MAN1C1: variants seen among roughly 807,000 people sequenced by gnomAD.
MAN1C1 encodes the protein mannosyl-oligosaccharide 1,2-alpha-mannosidase IC.
In MAN1C1, 49 loss-of-function variants were observed where a neutral mutation model predicts 71.5. The ratio of observed to expected loss-of-function variants is 0.69; its 90% CI spans 0.54 to 0.87. The LOEUF (loss-of-function observed/expected upper bound fraction) is 0.87. Among genes scored for constraint, MAN1C1 ranks in the 40% least tolerant of loss-of-function variants. MAN1C1 has a pLI of 0.00. For synonymous variants in MAN1C1, 352 were observed against 343.7 expected, an observed-to-expected ratio of 1.02 and a Z score of -0.27; for missense variants, 743 against 835.0, an observed-to-expected ratio of 0.89 and a Z score of 1.36.
At chr1:25,701,787 C>T (rs151014418) in intron 2 of MAN1C1, among the ~76,000 whole-genome samples, 7 of 152,336 alleles carry the variant, frequency 4.6e-5, no homozygotes, top group African/African-American at 1.4e-4. Flanking sequence ...TGATTTGGAG[C>T]AGTGGCTCAC....
intron 1 of MAN1C1, among the ~76,000 whole-genome samples, chr1:25,660,308 G>A (rs140323703): frequency 0.05 from 7,535 of 151,858 alleles, 625 homozygotes; most frequent in African/African-American, 0.17. Context: ...GGCTGAAGCA[G>A]GAGAATCACT....
At chr1:25,773,299 A>T (rs2047578428) in intron 8 of MAN1C1, among the ~76,000 whole-genome samples, 1 of 152,168 alleles carries the variant, frequency 6.6e-6, no homozygotes, top group Admixed American at 6.5e-5. Flanking sequence ...GGGCAGTTGG[A>T]TGGATGGATA....
intron 2 of MAN1C1, among the ~76,000 whole-genome samples, chr1:25,728,394 C>T (rs1019043575): frequency 6.6e-6 from 1 of 152,176 alleles, no homozygotes; most frequent in Non-Finnish European, 1.5e-5. Flanking sequence ...GCACTCACAA[C>T]AATCTGTTTG....
In MAN1C1 at chr1:25,617,682, CAACCCTGCCCAGG is replaced by C; in HGVS notation, c.-115_-103del. 1 of 948,306 alleles carries C rather than the reference CAACCCTGCCCAGG, an allele frequency of 1.1e-6. No individual in the cohort carries two copies. The highest frequency in any genetic ancestry group is 1.7e-5 in the African/African-American group (1 of 57,288). 58.7% of individuals were successfully genotyped at this position (948,306 alleles called of 1,614,324 possible). ...GAAGCGGCGAAACTCTCAGGGTTGG[CAACCCTGCCCAGG>C]GACCCCCATCCCGGGCGGCGCTCCG... On this transcript the variant is annotated 5_prime_UTR_variant, in exon 1 of 12. Coordinates refer to ENST00000374332, the MANE Select transcript of MAN1C1 (RefSeq NM_020379.4). The surrounding 1 kb of genome is among the most constrained non-coding windows in gnomAD (Gnocchi z 5.1).
chr1:25,767,151 T>TACACACAC (rs368029140), intron 7 of MAN1C1, among the ~76,000 whole-genome samples: 66 of 146,604 alleles, frequency 4.5e-4, no homozygotes, highest in Admixed American at 2.1e-3. Flanking sequence ...ACCACACTCG[T>TACACACAC]ACACACACAC....
At chr1:25,633,716 A>G (rs980166268) in intron 1 of MAN1C1, among the ~76,000 whole-genome samples, 13 of 152,158 alleles carry the variant, frequency 8.5e-5, no homozygotes, top group Non-Finnish European at 1.8e-4. Context: ...TTTGGTTCGT[A>G]TTCTGCCATT....
At chr1:25,774,658 T>C (rs555385848) in intron 8 of MAN1C1, among the ~76,000 whole-genome samples, 38 of 152,326 alleles carry the variant, frequency 2.5e-4, no homozygotes, top group African/African-American at 7.5e-4. Context: ...ATTTTATAGA[T>C]GAGCAAAGTG....
intron 2 of MAN1C1, among the ~76,000 whole-genome samples, chr1:25,740,670 T>C (rs566254885): frequency 6.6e-6 from 1 of 152,164 alleles, no homozygotes; most frequent in South Asian, 2.1e-4. Flanking sequence ...TCTCCTGACC[T>C]CGTGATCCAC....
intron 8 of MAN1C1, among the ~76,000 whole-genome samples, chr1:25,774,617 C>G (rs1325755449): frequency 2.0e-5 from 3 of 152,180 alleles, no homozygotes; most frequent in South Asian, 2.1e-4. Flanking sequence ...CTCCTTTAAT[C>G]CTCACAACCA....
rs144006465 is a variant in MAN1C1, at chr1:25,703,689, A to G, written c.637+17153A>G. On this transcript the variant is annotated intron_variant, in intron 2 of 11. Transcript: ENST00000374332. ...AGAGCGAAACTCTGTCTAAAAAAAAAGAAATGAAAGTGGGATCTGCAGATG... is the reference window on the plus strand; with the variant it reads ...AGAGCGAAACTCTGTCTAAAAAAAAGGAAATGAAAGTGGGATCTGCAGATG... Among the ~76,000 whole-genome samples, 130 of 152,304 alleles carry G rather than the reference A, an allele frequency of 8.5e-4. 1 individual carries two copies. Among genetic ancestry groups the G allele is most frequent in the African/African-American group, 3.0e-3 (126 of 41,570 alleles).
At chr1:25,619,037 C>A (rs888784720) in intron 1 of MAN1C1, among the ~76,000 whole-genome samples, 1 of 152,040 alleles carries the variant, frequency 6.6e-6, no homozygotes, top group Non-Finnish European at 1.5e-5. Context: ...GAGCTGGTTC[C>A]CTGTAGGGAT....
At chr1:25,738,054 C>T (rs1400637620) in intron 2 of MAN1C1, among the ~76,000 whole-genome samples, 3 of 152,000 alleles carry the variant, frequency 2.0e-5, no homozygotes, top group South Asian at 4.1e-4. Flanking sequence ...TTAAACAGGG[C>T]GGTGATGTGA....
chr1:25,740,773 C>G (rs1322766546), intron 2 of MAN1C1, among the ~76,000 whole-genome samples: 1 of 151,872 alleles, frequency 6.6e-6, no homozygotes, highest in African/African-American at 2.4e-5. Flanking sequence ...GGCTGCAACG[C>G]TGAGGACAGA....
At chr1:25,653,698 C>G (rs1162981645) in intron 1 of MAN1C1, among the ~76,000 whole-genome samples, 1 of 152,186 alleles carries the variant, frequency 6.6e-6, no homozygotes, top group Non-Finnish European at 1.5e-5. Flanking sequence ...CCTTGGCTCC[C>G]CACAAGTCTG....
At chr1:25,667,086 C>G (rs1418911095) in intron 1 of MAN1C1, among the ~76,000 whole-genome samples, 1 of 152,112 alleles carries the variant, frequency 6.6e-6, no homozygotes, top group African/African-American at 2.4e-5. Flanking sequence ...AAGGTGTATT[C>G]AGTTCTTGGG....
rs2047608030 is a variant in MAN1C1, at chr1:25,775,523, TC to T, written c.1258-2581del. Among the ~76,000 whole-genome samples, 2 of 152,226 alleles carry T rather than the reference TC, an allele frequency of 1.3e-5. No individual in the cohort carries two copies. Among genetic ancestry groups the T allele is most frequent in the Admixed American group, 1.3e-4 (2 of 15,284 alleles). Reference sequence around the variant, plus strand: ...TGGCTGGAGGCTGCTGCTGGTGGCTTCTGCTGTCACACGGCACTCAGAGTCT... The same window carrying T: ...TGGCTGGAGGCTGCTGCTGGTGGCTTTGCTGTCACACGGCACTCAGAGTCT... On this transcript the variant is annotated intron_variant, in intron 8 of 11. Coordinates refer to ENST00000374332, the MANE Select transcript of MAN1C1 (RefSeq NM_020379.4). The surrounding 1 kb of genome is among the most constrained non-coding windows in gnomAD (Gnocchi z 5.1).
intron 1 of MAN1C1, chr1:25,644,497 C>CATATATATATATATATATAT (rs1204408970): frequency 1.0e-4 from 8 of 80,144 alleles, no homozygotes; most frequent in African/African-American, 7.2e-4. Flanking sequence ...GTACCAGAGA[C>CATATATATATATATATATAT]ATATATATAT....
At chr1:25,780,676 A>G (rs143946491) in intron 9 of MAN1C1, 202 of 394,030 alleles carry the variant, frequency 5.1e-4, no homozygotes, top group African/African-American at 3.8e-3. Context: ...CAGACTGCTG[A>G]GTAGCTCATT....
rs1047289298 is a variant in MAN1C1 at position 25,772,973 on chromosome 1, A to G, written c.1257+1201A>G. ...CTTTCACTAGTCAACTCTCAATTCAAATGCCACTGAAACTACCATTCCCAG... is the reference window on the plus strand; with the variant it reads ...CTTTCACTAGTCAACTCTCAATTCAGATGCCACTGAAACTACCATTCCCAG... On this transcript the variant is annotated intron_variant, in intron 8 of 11. Transcript: ENST00000374332. Among the ~76,000 whole-genome samples the G allele has an allele frequency of 3.9e-5, 6 of 152,260 alleles. No homozygotes were observed. The South Asian group carries it at 1.2e-3, about 32-fold the overall frequency.
Sources: gnomAD v4.1 joint callset for allele counts (sites outside exome capture counted in the v4.1 genomes callset) on GRCh38, gnomAD v4.1.1 for gene constraint, Gnocchi (gnomAD v3.1) non-coding constraint, MANE v1.5 for transcripts, NCBI Gene and HGNC (gene_info 2026-07-23, HGNC 2026-07-21) for gene names.